Variants in EFL1 observed in about 807,000 individuals in gnomAD.
The protein encoded by EFL1 is elongation factor-like GTPase 1.
EFL1 carries 76 observed loss-of-function variants against 126.7 expected under a neutral mutation model. The observed-to-expected ratio is 0.60, with a 90% CI of 0.50 to 0.73. The LOEUF is 0.73. Ranked by LOEUF, EFL1 falls within the 30% of genes least tolerant of loss-of-function variation. The pLI is 0.00. For synonymous variants in EFL1, 410 were observed against 448.4 expected (o/e 0.91, Z 1.08); for missense variants, 1,128 against 1,343.2 (o/e 0.84, Z 2.50).
intron 18 of EFL1, among the ~76,000 whole-genome samples, 194 bp from the exon 19 acceptor site, chr15:82,139,036 C>CA (rs1245722501): frequency 1.3e-5 from 2 of 151,990 alleles, no homozygotes; most frequent in African/African-American, 4.8e-5. Context: ...AAATTGGAAA[C>CA]AAAAAATAAC....
intron 15 of EFL1, among the ~76,000 whole-genome samples, chr15:82,201,518 G>C (rs1313148324): frequency 6.6e-6 from 1 of 152,116 alleles, no homozygotes; most frequent in Non-Finnish European, 1.5e-5. Context: ...CATAATTCTG[G>C]AGGTTCAGTT....
chr15:82,158,493 C>T (rs1248495056), intron 16 of EFL1, among the ~76,000 whole-genome samples: 1 of 152,170 alleles, frequency 6.6e-6, no homozygotes, highest in Non-Finnish European at 1.5e-5. Context: ...CTTTTTCACC[C>T]CCTTTCCACA....
intron 15 of EFL1, among the ~76,000 whole-genome samples, chr15:82,187,777 C>G (rs1007882921): frequency 6.6e-6 from 1 of 151,930 alleles, no homozygotes; most frequent in African/African-American, 2.4e-5. Flanking sequence ...TCTAAAATGT[C>G]TAGAGGAGGG....
chr15:82,214,768 T>G lies in EFL1; in HGVS notation c.1699A>C (p.Met567Leu). Reference sequence around the variant, plus strand: ...TCTAGATATTCCAGTTCCCTTCCCATCAGAAGATACAGGTTTTCCAGAGCA... The same window carrying G: ...TCTAGATATTCCAGTTCCCTTCCCAGCAGAAGATACAGGTTTTCCAGAGCA... ...YCALENLYLL[M>L]GRELEYLEEV... Residue 567 changes from methionine (M) to leucine (L), a missense_variant, in exon 15 of 20, where the codon ATG (methionine) becomes CTG (leucine). Met to Leu is a conservative substitution (Grantham distance 15). Coordinates refer to ENST00000268206, the MANE Select transcript of EFL1 (RefSeq NM_024580.6). The G allele has an allele frequency of 6.2e-7, 1 of 1,602,056 alleles. No homozygotes were observed. Among genetic ancestry groups the G allele is most frequent in the Non-Finnish European group, 8.5e-7 (1 of 1,173,610 alleles).
Position 82,138,878 on chromosome 15 carries a change from A to G in EFL1, c.2990-36T>C, listed in dbSNP as rs2457497. On this transcript the variant is annotated intron_variant, in intron 18 of 19. Coordinates refer to ENST00000268206, the MANE Select transcript of EFL1 (RefSeq NM_024580.6). ...ATAAATCTTTTAAAATCATGGATCA[A>G]TCATATGGCTTGAGCCACACCAAGA... The G allele has an allele frequency of 0.77, 1,233,960 of 1,594,014 alleles. 479,930 individuals are homozygous for G. Among genetic ancestry groups the G allele is most frequent in the Admixed American group, 0.87 (51,153 of 58,870 alleles).
intron 10 of EFL1, 131 bp from the exon 11 acceptor site, chr15:82,227,703 AC>A: frequency 8.3e-7 from 1 of 1,203,296 alleles, no homozygotes; most frequent in East Asian, 2.5e-5. Context: ...ACAAGGCAAC[AC>A]TGCTTTATGC....
chr15:82,211,619 CT>C (rs1675834636), intron 15 of EFL1, among the ~76,000 whole-genome samples: 9 of 145,100 alleles, frequency 6.2e-5, no homozygotes, highest in Non-Finnish European at 7.6e-5. Flanking sequence ...CACACACACA[CT>C]AGACTCTCTG....
At chr15:82,237,449 C>A (rs1299948231) in intron 7 of EFL1, among the ~76,000 whole-genome samples, 1 of 152,170 alleles carries the variant, frequency 6.6e-6, no homozygotes, top group Admixed American at 6.5e-5. Flanking sequence ...CAAATTAAAA[C>A]CACAATATCA....
intron 19 of EFL1, among the ~76,000 whole-genome samples, chr15:82,131,362 A>G (rs950315269): frequency 2.0e-5 from 3 of 151,990 alleles, no homozygotes; most frequent in Admixed American, 6.6e-5. Context: ...GTGCAATCAT[A>G]CTCACTGTAG....
At chr15:82,149,075 T>G (rs955210035) in intron 18 of EFL1, among the ~76,000 whole-genome samples, 3 of 152,158 alleles carry the variant, frequency 2.0e-5, no homozygotes, top group Non-Finnish European at 4.4e-5. Context: ...CCTGTTGAGT[T>G]TTATTTCTCA....
chr15:82,185,268 C>T (rs1419021405), intron 15 of EFL1, among the ~76,000 whole-genome samples: 1 of 149,868 alleles, frequency 6.7e-6, no homozygotes, highest in Non-Finnish European at 1.5e-5. Context: ...TCAAAACTAA[C>T]AAATTAAAGT....
intron 15 of EFL1, among the ~76,000 whole-genome samples, chr15:82,186,053 T>C (rs1264642704): frequency 6.6e-6 from 1 of 152,192 alleles, no homozygotes; most frequent in South Asian, 2.1e-4. Flanking sequence ...TTTTGCTTTT[T>C]TCTTTACTAG....
Position 82,223,309 on chromosome 15 carries a change from T to C in EFL1, c.1292+1856A>G, listed in dbSNP as rs145849648. The stretch of plus-strand genomic sequence containing the variant: ...AAGATGGAAAAGAACAAAGTAATGG[T>C]GATGACCTTGCCCAGGTATACCTGA... On this transcript the variant is annotated intron_variant, in intron 12 of 19. Transcript: ENST00000268206. Among the ~76,000 whole-genome samples the C allele has an allele frequency of 2.9e-3, 436 of 151,800 alleles. 4 individuals are homozygous for C. The highest frequency in any genetic ancestry group is 1.0e-2 in the African/African-American group (412 of 41,406).
Position 82,163,840 on chromosome 15 carries a change from A to C in EFL1, c.1882+13T>G. 1 of 1,612,692 alleles carries C rather than the reference A, an allele frequency of 6.2e-7. No homozygotes were observed. The highest frequency in any genetic ancestry group is 8.5e-7 in the Non-Finnish European group (1 of 1,179,488). ...ATAATAAACATATGCTTTTAAAAATAAGGTCATCTTACTTGGATGTTTTGG... is the reference window on the plus strand; with the variant it reads ...ATAATAAACATATGCTTTTAAAAATCAGGTCATCTTACTTGGATGTTTTGG... On this transcript the variant is annotated intron_variant, in intron 16 of 19. Coordinates refer to ENST00000268206, the MANE Select transcript of EFL1 (RefSeq NM_024580.6).
intron 15 of EFL1, among the ~76,000 whole-genome samples, chr15:82,192,754 T>G (rs2074371699): frequency 6.6e-6 from 1 of 152,174 alleles, no homozygotes; most frequent in Non-Finnish European, 1.5e-5. Context: ...CATAGCACAG[T>G]GGCTCTTGAC....
chr15:82,194,741 C>G (rs1217455911), intron 15 of EFL1, among the ~76,000 whole-genome samples: 1 of 152,118 alleles, frequency 6.6e-6, no homozygotes, highest in Non-Finnish European at 1.5e-5. Context: ...TAAGGCCTCC[C>G]TAGTTATGAA....
chr15:82,147,391 AGGCCGAGGCGGGCGGATCACTTGAG>A (rs1174241164), intron 18 of EFL1, among the ~76,000 whole-genome samples: 1 of 152,108 alleles, frequency 6.6e-6, no homozygotes, highest in Non-Finnish European at 1.5e-5. Flanking sequence ...GCATTTTGGG[AGGCCGAGGCGGGCGGATCACTTGAG>A]GCCAGGAGTT....
chr15:82,231,829 A>G (rs1348104116), intron 7 of EFL1, among the ~76,000 whole-genome samples: 1 of 152,190 alleles, frequency 6.6e-6, no homozygotes, highest in African/African-American at 2.4e-5. Flanking sequence ...AATGAAGACA[A>G]GGTGAAAGGC....
chr15:82,204,856 C>T (rs1350714725), intron 15 of EFL1, among the ~76,000 whole-genome samples: 1 of 152,202 alleles, frequency 6.6e-6, no homozygotes, highest in African/African-American at 2.4e-5. Flanking sequence ...ACTCAACTCA[C>T]GAAGTATGTT....
Sources: gnomAD v4.1 joint callset for allele counts (sites outside exome capture counted in the v4.1 genomes callset) on GRCh38, gnomAD v4.1.1 for gene constraint, MANE v1.5 for transcripts, NCBI Gene and HGNC (gene_info 2026-07-23, HGNC 2026-07-21) for gene names.